The following BICD1 variants were observed in gnomAD, a reference collection of about 807,000 sequenced individuals.
The protein encoded by BICD1 is BICD cargo adaptor 1, also known as protein bicaudal D homolog 1.
A neutral mutation model predicts 92.5 loss-of-function variants in BICD1; 35 were observed. The ratio of observed to expected loss-of-function variants is 0.38; its 90% CI spans 0.29 to 0.50. BICD1 has a LOEUF of 0.50. BICD1 is among the 20% of genes least tolerant of loss of function. The probability of loss-of-function intolerance (pLI) is 0.93; values close to 1 mark genes in which losing one functional copy is unlikely to be tolerated. For missense variants in BICD1, 950 were observed against 1,189.8 expected, an observed-to-expected ratio of 0.80 and a Z score of 2.97; for synonymous variants, 429 against 465.1, an observed-to-expected ratio of 0.92 and a Z score of 1.00.
intron 4 of BICD1, among the ~76,000 whole-genome samples, chr12:32,311,353 G>C (rs1455605330): frequency 1.3e-5 from 2 of 152,118 alleles, no homozygotes; most frequent in Non-Finnish European, 2.9e-5. Flanking sequence ...ACAAAAATTA[G>C]CTGGGCATGG....
At chr12:32,163,865 T>G (rs947192846) in intron 1 of BICD1, among the ~76,000 whole-genome samples, 1 of 152,240 alleles carries the variant, frequency 6.6e-6, no homozygotes, top group Non-Finnish European at 1.5e-5. Flanking sequence ...CCAAGACCCC[T>G]GCGTTATCAT....
At chr12:32,277,851 T>G (rs1319837997) in intron 2 of BICD1, among the ~76,000 whole-genome samples, 1 of 152,188 alleles carries the variant, frequency 6.6e-6, no homozygotes, top group Non-Finnish European at 1.5e-5. Flanking sequence ...CCTATATATT[T>G]TCATTCTTTA....
intron 8 of BICD1, among the ~76,000 whole-genome samples, chr12:32,363,362 C>A (rs892007531): frequency 3.3e-5 from 5 of 152,088 alleles, no homozygotes; most frequent in African/African-American, 1.2e-4. Context: ...ACAGCCTGAG[C>A]GACATAGCAA....
At chr12:32,294,237 GT>G in intron 3 of BICD1, 91 bp downstream of exon 3, 2 of 1,250,092 alleles carry the variant, frequency 1.6e-6, no homozygotes, top group Non-Finnish European at 1.1e-6. Context: ...AGAATTTATT[GT>G]TACTCTTTTA....
chr12:32,324,069 G>A (rs1356615431), intron 4 of BICD1, among the ~76,000 whole-genome samples: 3 of 152,206 alleles, frequency 2.0e-5, no homozygotes, highest in Middle Eastern at 3.4e-3. Flanking sequence ...GGTGGCTCAC[G>A]CCTGTAATCC....
At chr12:32,285,692 G>A (rs928791194) in intron 2 of BICD1, among the ~76,000 whole-genome samples, 6 of 152,164 alleles carry the variant, frequency 3.9e-5, no homozygotes, top group Non-Finnish European at 7.3e-5. Flanking sequence ...TCTCCCCTGA[G>A]GAGCTGAGAC....
At chr12:32,287,544 T>G (rs537832139) in intron 2 of BICD1, among the ~76,000 whole-genome samples, 4 of 132,332 alleles carry the variant, frequency 3.0e-5, no homozygotes, top group Admixed American at 7.4e-5. Context: ...TTTTTTTTTG[T>G]TTTTTTTTTT....
At chr12:32,118,091 A>ATTTTATTTTATTTTATTTTT (rs1555126592) in intron 1 of BICD1, among the ~76,000 whole-genome samples, 4 of 46,832 alleles carry the variant, frequency 8.5e-5, no homozygotes, top group Admixed American at 3.2e-4. Context: ...TATTTTATTT[A>ATTTTATTTTATTTTATTTTT]TTTTTTTTGA....
chr12:32,362,453 TTC>T (rs1310859711), intron 8 of BICD1, among the ~76,000 whole-genome samples: 1 of 152,232 alleles, frequency 6.6e-6, no homozygotes, highest in Non-Finnish European at 1.5e-5. Flanking sequence ...CAGCAAAACT[TTC>T]TCTCTCTGCC....
intron 1 of BICD1, among the ~76,000 whole-genome samples, chr12:32,131,193 C>T (rs1942533601): frequency 6.6e-6 from 1 of 152,086 alleles, no homozygotes; most frequent in Non-Finnish European, 1.5e-5. Flanking sequence ...CTATACATCC[C>T]CCTTATCACT....
At chr12:32,130,153 CT>C (rs1048797338) in intron 1 of BICD1, among the ~76,000 whole-genome samples, 6 of 151,920 alleles carry the variant, frequency 3.9e-5, no homozygotes, top group South Asian at 2.1e-4. Flanking sequence ...AGGAAGTTTA[CT>C]TTTTTTCCCA....
intron 1 of BICD1, among the ~76,000 whole-genome samples, chr12:32,130,717 G>C (rs1175552272): frequency 6.6e-6 from 1 of 152,074 alleles, no homozygotes; most frequent in Non-Finnish European, 1.5e-5. Context: ...ATCTCATTTA[G>C]ACCCTGTTTG....
intron 2 of BICD1, among the ~76,000 whole-genome samples, chr12:32,227,118 A>T (rs555548508): frequency 2.3e-4 from 35 of 151,702 alleles, no homozygotes; most frequent in African/African-American, 8.4e-4. Context: ...AAGCTACTAG[A>T]GCAAAAATAG....
At chr12:32,367,282 T>C (rs1939559294) in intron 8 of BICD1, among the ~76,000 whole-genome samples, 1 of 152,218 alleles carries the variant, frequency 6.6e-6, no homozygotes, top group African/African-American at 2.4e-5. Context: ...GCGTTCCATT[T>C]TGGAATAAGA....
rs1253739596 is a variant in BICD1, at chr12:32,338,766, T to C, written c.2571-20T>C. 1.3e-6 allele frequency: 2 copies of C among 1,559,794 alleles called. No homozygotes were observed. The highest frequency in any genetic ancestry group is 1.7e-6 in the Non-Finnish European group (2 of 1,159,966). On this transcript the variant is annotated intron_variant, in intron 7 of 9. Transcript: ENST00000652176. ...AACTTTTTTGTTTCCTATATGTATT[T>C]TTCTTGGATCTCCTGCAAGACAATT...
At chr12:32,158,450 C>A (rs546823584) in intron 1 of BICD1, among the ~76,000 whole-genome samples, 58 of 151,726 alleles carry the variant, frequency 3.8e-4, no homozygotes, top group Non-Finnish European at 7.2e-4. Context: ...ACGGTGAGAC[C>A]CTGCCTGTAT....
Position 32,313,701 on chromosome 12 carries a change from C to T in BICD1, c.1005+7579C>T, listed in dbSNP as rs567849719. The stretch of plus-strand genomic sequence containing the variant: ...AGTTAGAGATTACAAACTAGCTGGG[C>T]GCAGTGGCTCATACCTGTAATCCCA... On this transcript the variant is annotated intron_variant, in intron 4 of 9. Coordinates refer to ENST00000652176, the MANE Select transcript of BICD1 (RefSeq NM_001714.4). This position sits in a 1 kb window ranked among gnomAD's most constrained non-coding sequence, Gnocchi z 4.2. 3.9e-4 allele frequency among the ~76,000 whole-genome samples: 60 copies of T among 152,142 alleles called. No individual in the cohort carries two copies. Among genetic ancestry groups the T allele is most frequent in the Non-Finnish European group, 7.5e-4 (51 of 68,024 alleles).
chr12:32,250,800 G>C (rs1246773123), intron 2 of BICD1, among the ~76,000 whole-genome samples: 1 of 152,034 alleles, frequency 6.6e-6, no homozygotes, highest in African/African-American at 2.4e-5. Flanking sequence ...AGACAACATG[G>C]ATAAATCCTG....
rs1232570076 is a variant in BICD1 at position 32,382,241 on chromosome 12, G to C, written c.*4614G>C. 6.6e-6 allele frequency: 1 copy of C among 152,052 alleles called. No homozygotes were observed. The highest frequency in any genetic ancestry group is 1.5e-5 in the Non-Finnish European group (1 of 67,946). The allele number at this position is 152,052 out of a possible 1,614,324, so 9.4% of individuals were successfully genotyped here. A position where few individuals can be genotyped will look rare whatever the true frequency, so the allele number is the denominator to read the frequency against. ...ATGTCTTTCGTCCTTATTATTCAAA[G>C]TGTAATTGAAAGAGATATTTAGTAT... On this transcript the variant is annotated 3_prime_UTR_variant, in exon 10 of 10. Transcript: ENST00000652176.
Sources: gnomAD v4.1 joint callset for allele counts (sites outside exome capture counted in the v4.1 genomes callset) on GRCh38, gnomAD v4.1.1 for gene constraint, Gnocchi (gnomAD v3.1) non-coding constraint, MANE v1.5 for transcripts, NCBI Gene and HGNC (gene_info 2026-07-23, HGNC 2026-07-21) for gene names.